Variants in TMEM191C observed in about 807,000 individuals in gnomAD.
TMEM191C encodes the protein transmembrane protein 191C.
TMEM191C carries 26 observed loss-of-function variants against 37.1 expected under a neutral mutation model. That is an observed-to-expected ratio of 0.70 (90% CI 0.51 to 0.97). TMEM191C has a LOEUF of 0.97. TMEM191C is among the 50% of genes least tolerant of loss of function. The pLI, the probability that TMEM191C is intolerant of heterozygous loss-of-function variation, is 0.00. For synonymous variants in TMEM191C, 115 were observed against 143.7 expected (o/e 0.80, Z 1.43); for missense variants, 240 against 294.7 (o/e 0.81, Z 1.36).
chr22:21,468,237 T>C (rs931088496), intron 3 of TMEM191C, 35 bp downstream of exon 3: 1 of 1,531,668 alleles, frequency 6.5e-7, no homozygotes, highest in Non-Finnish European at 8.7e-7. Context: ...TGTCTCTTGG[T>C]TCCTCTCGGA....
chr22:21,469,707 C>T lies in TMEM191C; in HGVS notation c.795C>T (p.Pro265=), dbSNP rs1325455208. ...LSLLWTVLLD[P]GAVSAWLWSL... ...TGCTCTGGACGGTGCTGTTGGACCCCGGCGCCGTCTCCGCGTGGCTCTGGA... is the reference window on the plus strand; with the variant it reads ...TGCTCTGGACGGTGCTGTTGGACCCTGGCGCCGTCTCCGCGTGGCTCTGGA... Residue 265 remains proline (P), a synonymous_variant, in exon 10 of 10, where the codon CCC becomes CCT. Transcript: ENST00000536718. The T allele has an allele frequency of 6.5e-6, 10 of 1,526,942 alleles. No homozygotes were observed. The East Asian group carries it at 1.2e-4, about 19-fold the overall frequency. The allele number at this position is 1,526,942 out of a possible 1,614,324, so 94.6% of individuals were successfully genotyped here.
At position 21,468,443 on chromosome 22, in the gene TMEM191C, G is replaced by A; in HGVS notation, c.408+12G>A. ...TGGTGACGCTGCAGGTGCTTGAGCG[G>A]GACCCTGAGGTGTTTAGTAGGGGCG... On this transcript the variant is annotated intron_variant, in intron 4 of 9. Transcript: ENST00000536718. The A allele has an allele frequency of 6.8e-7, 1 of 1,465,434 alleles. No individual in the cohort carries two copies. The highest frequency in any genetic ancestry group is 9.1e-7 in the Non-Finnish European group (1 of 1,094,454). The allele number at this position is 1,465,434 out of a possible 1,614,324, so 90.8% of individuals were successfully genotyped here.
chr22:21,469,672 G>A lies in TMEM191C; in HGVS notation c.760G>A (p.Gly254Arg). Reference sequence around the variant, plus strand: ...GCTGACGCTGCCGCTCCTCTTCCTGGGGCTGTCGCTGCTCTGGACGGTGCT... The same window carrying A: ...GCTGACGCTGCCGCTCCTCTTCCTGAGGCTGTCGCTGCTCTGGACGGTGCT... The part of the protein sequence containing the change: ...VLLTLPLLFL[G>R]LSLLWTVLLD... The change falls in exon 10 of 10, where the codon GGG becomes AGG. Residue 254 changes from glycine to arginine, a missense_variant. By Grantham distance (125) the Gly-to-Arg change is moderately radical (BLOSUM62 -2). Transcript: ENST00000536718. 1 of 1,508,272 alleles carries A rather than the reference G, an allele frequency of 6.6e-7. No homozygotes were observed. The highest frequency in any genetic ancestry group is 2.1e-5 in the Admixed American group (1 of 48,012). 93.4% of individuals were successfully genotyped at this position (1,508,272 alleles called of 1,614,324 possible).
Position 21,468,346 on chromosome 22 carries a change from G to T in TMEM191C, c.331-8G>T. The T allele has an allele frequency of 6.5e-7, 1 of 1,535,372 alleles. No homozygotes were observed. The highest frequency in any genetic ancestry group is 8.7e-7 in the Non-Finnish European group (1 of 1,146,702). ...GGTAAACCCCGCCCTTACAAGCCCC[G>T]CCCCTAGCTCTTCTACTACGGAGGG... On this transcript the variant is annotated splice_polypyrimidine_tract_variant and splice_region_variant and intron_variant, in intron 3 of 9. Coordinates refer to ENST00000536718, the MANE Select transcript of TMEM191C (RefSeq NM_001388354.1).
In TMEM191C at chr22:21,467,504, C is replaced by T. The variant is rs1184846075; in HGVS notation, c.45C>T (p.Asn15=). The T allele has an allele frequency of 6.9e-6, 4 of 583,510 alleles. No homozygotes were observed. Among genetic ancestry groups the T allele is most frequent in the South Asian group, 3.7e-5 (2 of 53,484 alleles). 36.1% of individuals were successfully genotyped at this position (583,510 alleles called of 1,614,324 possible). A position where few individuals can be genotyped will look rare whatever the true frequency, so the allele number is the denominator to read the frequency against. The stretch of plus-strand genomic sequence containing the variant: ...TGCTGCTGCAGTTGCAGAAGGATAA[C>T]CGAGATGGTCGCCAGCGGAAGCAGG... ...QELLLQLQKD[N]RDGRQRKQEL... is the part of the protein sequence containing the mutation. The change falls in exon 1 of 10, where the codon AAC becomes AAT. Residue 15 remains asparagine, a synonymous_variant. Coordinates refer to ENST00000536718, the MANE Select transcript of TMEM191C (RefSeq NM_001388354.1).
At position 21,468,359 on chromosome 22, in the gene TMEM191C, C is replaced by T. The variant is rs1423958212; in HGVS notation, c.336C>T (p.Phe112=). ...EQWEELSSQL[F]YYGGELQSQK... ...CTTACAAGCCCCGCCCCTAGCTCTT[C>T]TACTACGGAGGGGAACTGCAGAGCC... The change falls in exon 4 of 10, where the codon TTC becomes TTT. Residue 112 remains phenylalanine (F), a synonymous_variant. Transcript: ENST00000536718. 3 of 1,535,288 alleles carry T rather than the reference C, an allele frequency of 2.0e-6. No homozygotes were observed. Among genetic ancestry groups the T allele is most frequent in the East Asian group, 2.4e-5 (1 of 40,892 alleles).
At position 21,469,511 on chromosome 22, in the gene TMEM191C, C is replaced by T. The variant is rs1924662755; in HGVS notation, c.681C>T (p.Gly227=). ...CCCCGCAGGAGACGCGGCTGTTCGG[C>T]GGCCCTCGCGCGCTGGCCATCAGGT... ...ARADRETRLF[G]GPRALAIRRC... Residue 227 remains glycine (G), a synonymous_variant, in exon 9 of 10, where the codon GGC becomes GGT. Coordinates refer to ENST00000536718, the MANE Select transcript of TMEM191C (RefSeq NM_001388354.1). 7.4e-7 allele frequency: 1 copy of T among 1,353,808 alleles called. No homozygotes were observed. The highest frequency in any genetic ancestry group is 9.4e-7 in the Non-Finnish European group (1 of 1,060,398). The allele number at this position is 1,353,808 out of a possible 1,614,324, so 83.9% of individuals were successfully genotyped here. A position where few individuals can be genotyped will look rare whatever the true frequency, so the allele number is the denominator to read the frequency against.
Position 21,469,581 on chromosome 22 carries a change from G to A in TMEM191C, c.705-36G>A, listed in dbSNP as rs769737055. ...GCCGCGGTCCCCCAGGTGCCCGCCC[G>A]AGTTGCCGCCCACCTGCCCGCCTTT... is the stretch of plus-strand genomic sequence containing the variant. On this transcript the variant is annotated intron_variant, in intron 9 of 9. Coordinates refer to ENST00000536718, the MANE Select transcript of TMEM191C (RefSeq NM_001388354.1). 8.6e-5 allele frequency: 126 copies of A among 1,472,724 alleles called. 1 individual carries two copies. The African/African-American group carries it at 1.6e-3, about 18-fold the overall frequency. 91.2% of individuals were successfully genotyped at this position (1,472,724 alleles called of 1,614,324 possible).
chr22:21,469,682 T>C lies in TMEM191C; in HGVS notation c.770T>C (p.Leu257Pro), dbSNP rs1164716113. The stretch of plus-strand genomic sequence containing the variant: ...CCGCTCCTCTTCCTGGGGCTGTCGC[T>C]GCTCTGGACGGTGCTGTTGGACCCC... ...TLPLLFLGLS[L>P]LWTVLLDPGA... The change falls in exon 10 of 10, where the codon CTG becomes CCG. Residue 257 changes from leucine to proline, a missense_variant. Physicochemically the swap from Leu to Pro is moderately conservative, Grantham distance 98. Transcript: ENST00000536718. The C allele has an allele frequency of 1.5e-5, 23 of 1,513,814 alleles. No individual in the cohort carries two copies. The highest frequency in any genetic ancestry group is 2.0e-5 in the Non-Finnish European group (23 of 1,137,440). 93.8% of individuals were successfully genotyped at this position (1,513,814 alleles called of 1,614,324 possible). A position where few individuals can be genotyped will look rare whatever the true frequency, so the allele number is the denominator to read the frequency against.
At position 21,469,744 on chromosome 22, in the gene TMEM191C, G is replaced by A. The variant is rs1228316682; in HGVS notation, c.832G>A (p.Glu278Lys). Residue 278 changes from glutamate to lysine, a missense_variant, in exon 10 of 10, where the codon GAG becomes AAG. Around this residue, in one of 3 missense-constraint regions of TMEM191C, gnomAD observed 76 missense variants for 100.0 expected, o/e 0.76. Coordinates refer to ENST00000536718, the MANE Select transcript of TMEM191C (RefSeq NM_001388354.1). ...CGCGTGGCTCTGGAGCCTCACCTCG[G>A]AGACGACGCTGCGCCGCCTGCGCTA... is the stretch of plus-strand genomic sequence containing the variant. ...VSAWLWSLTS[E>K]TTLRRLRYTL... The A allele has an allele frequency of 6.5e-7, 1 of 1,530,294 alleles. No individual in the cohort carries two copies. 94.8% of individuals were successfully genotyped at this position (1,530,294 alleles called of 1,614,324 possible).
At chr22:21,469,429 C>T (rs1323688314) in intron 8 of TMEM191C, 65 bp from the exon 9 acceptor site, 1 of 1,324,674 alleles carries the variant, frequency 7.5e-7, no homozygotes, top group African/African-American at 1.7e-5. Flanking sequence ...CCTCCCCCTC[C>T]TCCTGGAAAC....
At chr22:21,469,583 G>A (rs1023944818) in intron 9 of TMEM191C, 34 bp from the exon 10 acceptor site, 19 of 1,473,806 alleles carry the variant, frequency 1.3e-5, no homozygotes, top group Middle Eastern at 2.4e-4. Context: ...GCCCGCCCGA[G>A]TTGCCGCCCA....
intron 9 of TMEM191C, 40 bp from the exon 10 acceptor site, chr22:21,469,577 G>A: frequency 1.4e-6 from 2 of 1,393,414 alleles, no homozygotes; most frequent in East Asian, 3.0e-5. Context: ...CCAGGTGCCC[G>A]CCCGAGTTGC....
rs1367177787 is a variant in TMEM191C, at chr22:21,467,824, T to C, written c.156-70T>C. On this transcript the variant is annotated intron_variant, in intron 1 of 9. Transcript: ENST00000536718. ...TCAATCATGAGCCTGCGGCTGGTCC[T>C]TCCTGGCGACTGCGGGATCCTGAGC... The C allele has an allele frequency of 1.2e-5, 6 of 507,958 alleles. No homozygotes were observed. The Admixed American group carries it at 1.2e-4, about 10-fold the overall frequency. 31.5% of individuals were successfully genotyped at this position (507,958 alleles called of 1,614,324 possible). A position where few individuals can be genotyped will look rare whatever the true frequency, so the allele number is the denominator to read the frequency against.
chr22:21,468,488 G>A (rs1222664156), intron 4 of TMEM191C, 57 bp downstream of exon 4: 2 of 1,063,032 alleles, frequency 1.9e-6, no homozygotes, highest in African/African-American at 4.5e-5. Flanking sequence ...CATGAGCTGG[G>A]CCGTGACCAC....
chr22:21,467,676 G>A lies in TMEM191C; in HGVS notation c.155+62G>A, dbSNP rs1199825523. 6.9e-5 allele frequency: 78 copies of A among 1,129,682 alleles called. No individual in the cohort carries two copies. The African/African-American group carries it at 1.2e-3, about 17-fold the overall frequency. 70.0% of individuals were successfully genotyped at this position (1,129,682 alleles called of 1,614,324 possible). On this transcript the variant is annotated intron_variant, in intron 1 of 9. Transcript: ENST00000536718. ...GAGGGTCGGTCCCGCAGGCAGCGCC[G>A]CGAGGTGCTTCGCAGAGTACCAGGC...
At chr22:21,468,593 GA>G (rs1334476987) in intron 4 of TMEM191C, among the ~76,000 whole-genome samples, 162 bp downstream of exon 4, 2 of 94,838 alleles carry the variant, frequency 2.1e-5, no homozygotes, top group Non-Finnish European at 5.5e-5. Flanking sequence ...CTGAGGGCTA[GA>G]ATAGGGGCGG....
At position 21,467,610 on chromosome 22, in the gene TMEM191C, C is replaced by G; in HGVS notation, c.151C>G (p.Arg51Gly). Residue 51 changes from arginine to glycine, a missense_variant, in exon 1 of 10, where the codon CGG becomes GGG. Arg to Gly is a moderately radical substitution (Grantham distance 125). Transcript: ENST00000536718. ...QRLQDLSERE[R>G]SLLRRRSQAA... ...CCTGCAGGACCTGAGCGAGCGGGAG[C>G]GGAGGTGCGCGGGGAACGCCCCTCT... The G allele has an allele frequency of 6.5e-7, 1 of 1,529,872 alleles. No individual in the cohort carries two copies. Among genetic ancestry groups the G allele is most frequent in the Non-Finnish European group, 8.7e-7 (1 of 1,144,940 alleles). The allele number at this position is 1,529,872 out of a possible 1,614,324, so 94.8% of individuals were successfully genotyped here. A position where few individuals can be genotyped will look rare whatever the true frequency, so the allele number is the denominator to read the frequency against.
Position 21,467,423 on chromosome 22 carries a change from C to T in TMEM191C, c.-37C>T. ...CGCCTGCCAGCCGCAGGCTGGGTCC[C>T]CGAGGCGGGCGGCATTTAGGCTCGG... On this transcript the variant is annotated 5_prime_UTR_variant, in exon 1 of 10. Transcript: ENST00000536718. The T allele has an allele frequency of 2.2e-6, 1 of 451,766 alleles. No homozygotes were observed. Among genetic ancestry groups the T allele is most frequent in the Non-Finnish European group, 3.7e-6 (1 of 268,260 alleles). The allele number at this position is 451,766 out of a possible 1,614,324, so 28.0% of individuals were successfully genotyped here.
Sources: allele counts gnomAD v4.1 joint callset (sites outside exome capture counted in the v4.1 genomes callset), GRCh38; gene constraint gnomAD v4.1.1; regional missense constraint gnomAD v4.1.1; transcripts MANE v1.5; gene names NCBI Gene and HGNC (gene_info 2026-07-23, HGNC 2026-07-21).